The following USH2A variants were observed in gnomAD, a reference collection of about 807,000 sequenced individuals.
USH2A encodes usherin, also known as Usher syndrome 2A (autosomal recessive, mild).
In USH2A, 443 loss-of-function variants were observed where a neutral mutation model predicts 538.9. That is an observed-to-expected ratio of 0.82 (90% CI 0.76 to 0.89). The LOEUF (loss-of-function observed/expected upper bound fraction) is 0.89, where lower values mean the gene tolerates loss of function less well. USH2A is among the 40% of genes least tolerant of loss of function. The pLI is 0.00. For missense variants in USH2A, 6,633 were observed against 6,324.8 expected (o/e 1.05, Z -1.65); for synonymous variants, 2,413 against 2,273.5 (o/e 1.06, Z -1.75).
At chr1:215,973,656 CTTTT>C (rs750306238) in intron 35 of USH2A, among the ~76,000 whole-genome samples, 18 of 130,956 alleles carry the variant, frequency 1.4e-4, no homozygotes, top group Admixed American at 7.1e-4. Context: ...TCTTCTTCTT[CTTTT>C]TTTTTTTTTT....
intron 67 of USH2A, 78 bp from the exon 68 acceptor site, chr1:215,640,812 A>G: frequency 1.4e-6 from 2 of 1,414,418 alleles, no homozygotes; most frequent in South Asian, 1.2e-5. Flanking sequence ...AAAAAAAAAA[A>G]TATGAGCAAA....
At position 215,817,338 on chromosome 1, in the gene USH2A, A is replaced by G. The variant is rs1271862338; in HGVS notation, c.9372-143T>C. 9.7e-6 allele frequency: 4 copies of G among 413,792 alleles called. No individual in the cohort carries two copies. The East Asian group carries it at 2.4e-4, about 25-fold the overall frequency. 25.6% of individuals were successfully genotyped at this position (413,792 alleles called of 1,614,324 possible). On this transcript the variant is annotated intron_variant, in intron 47 of 71. Transcript: ENST00000307340. ...TTATATATGAAATCATATATTTTCAAATCAATCAAAATTATGTTAGCTTTT... is the reference window on the plus strand; with the variant it reads ...TTATATATGAAATCATATATTTTCAGATCAATCAAAATTATGTTAGCTTTT...
At chr1:216,268,308 C>T (rs1255942935) in intron 11 of USH2A, among the ~76,000 whole-genome samples, 2 of 152,030 alleles carry the variant, frequency 1.3e-5, no homozygotes, top group African/African-American at 2.4e-5. Context: ...TAACTATACT[C>T]TGAACAACTT....
chr1:215,959,177 A>G (rs1667138931), intron 37 of USH2A, among the ~76,000 whole-genome samples: 1 of 152,098 alleles, frequency 6.6e-6, no homozygotes, highest in African/African-American at 2.4e-5. Flanking sequence ...TAAGTTGAGT[A>G]CATATAAAAG....
At chr1:216,422,633 G>A in intron 1 of USH2A, 93 bp from the exon 2 acceptor site, 3 of 390,808 alleles carry the variant, frequency 7.7e-6, no homozygotes, top group Admixed American at 7.7e-5. Flanking sequence ...GCTCCTAGAA[G>A]CAACACTACT....
At chr1:215,703,532 G>C (rs1036168500) in intron 61 of USH2A, among the ~76,000 whole-genome samples, 1 of 152,208 alleles carries the variant, frequency 6.6e-6, no homozygotes, top group Non-Finnish European at 1.5e-5. Context: ...AATCTAGAGA[G>C]GCAGTCTGGC....
chr1:215,794,385 G>T (rs1204340772), intron 50 of USH2A, among the ~76,000 whole-genome samples: 3 of 152,208 alleles, frequency 2.0e-5, no homozygotes. Flanking sequence ...GGCACACAAT[G>T]CCAGGCAGCG....
chr1:216,080,543 G>A (rs2102556726), intron 26 of USH2A, among the ~76,000 whole-genome samples: 1 of 152,052 alleles, frequency 6.6e-6, no homozygotes, highest in East Asian at 1.9e-4. Flanking sequence ...ATGAAAAAGT[G>A]GCAATAACAA....
rs1666117792 is a variant in USH2A, at chr1:215,922,239, T to C, written c.7300+12377A>G. Reference sequence around the variant, plus strand: ...AAGAAGTTGAAGAGCAAAGGAAATTTAGCTGACAGTGTCTTCACAGTAGGG... The same window carrying C: ...AAGAAGTTGAAGAGCAAAGGAAATTCAGCTGACAGTGTCTTCACAGTAGGG... On this transcript the variant is annotated intron_variant, in intron 38 of 71. Coordinates refer to ENST00000307340, the MANE Select transcript of USH2A (RefSeq NM_206933.4). Among the ~76,000 whole-genome samples the C allele has an allele frequency of 2.0e-5, 3 of 152,286 alleles. No homozygotes were observed. In the South Asian group the frequency reaches 6.2e-4, roughly 32 times the overall value.
intron 3 of USH2A, among the ~76,000 whole-genome samples, chr1:216,395,268 C>A (rs1283907655): frequency 6.6e-6 from 1 of 152,270 alleles, no homozygotes; most frequent in East Asian, 1.9e-4. Context: ...CAACTTGTAT[C>A]CTACTTTAAG....
chr1:216,409,393 T>C (rs2039445616), intron 3 of USH2A, among the ~76,000 whole-genome samples: 1 of 152,094 alleles, frequency 6.6e-6, no homozygotes, highest in Non-Finnish European at 1.5e-5. Flanking sequence ...TTTAAATTCA[T>C]ATAAAACCAA....
intron 37 of USH2A, among the ~76,000 whole-genome samples, chr1:215,958,955 C>T (rs970957828): frequency 6.6e-6 from 1 of 152,074 alleles, no homozygotes; most frequent in Non-Finnish European, 1.5e-5. Flanking sequence ...CACCAAAAGA[C>T]TTTTCCTGAA....
At chr1:216,054,553 C>T (rs531776967) in intron 30 of USH2A, among the ~76,000 whole-genome samples, 3 of 152,160 alleles carry the variant, frequency 2.0e-5, no homozygotes, top group Non-Finnish European at 4.4e-5. Flanking sequence ...GCCTGGAAAC[C>T]GAGCCTAAGA....
chr1:215,851,285 A>G (rs1300317555), intron 44 of USH2A, among the ~76,000 whole-genome samples: 1 of 152,188 alleles, frequency 6.6e-6, no homozygotes, highest in African/African-American at 2.4e-5. Context: ...GATAAATAAA[A>G]TTGACAGACC....
chr1:215,970,456 A>G (rs567797531), intron 36 of USH2A, among the ~76,000 whole-genome samples, 169 bp downstream of exon 36: 19 of 152,284 alleles, frequency 1.2e-4, no homozygotes, highest in Non-Finnish European at 1.5e-5. Flanking sequence ...TTTATGTCGA[A>G]TATAAAATCT....
chr1:215,731,243 T>TA (rs1659986461), intron 60 of USH2A, among the ~76,000 whole-genome samples: 1 of 152,160 alleles, frequency 6.6e-6, no homozygotes, highest in Non-Finnish European at 1.5e-5. Context: ...CCAAAAGAAT[T>TA]AAAAGGTGCA....
At chr1:216,236,893 T>G (rs551510099) in intron 13 of USH2A, among the ~76,000 whole-genome samples, 22 of 152,328 alleles carry the variant, frequency 1.4e-4, no homozygotes, top group Non-Finnish European at 2.9e-4. Context: ...ATTTTTCTAT[T>G]TATGTGAATA....
intron 11 of USH2A, among the ~76,000 whole-genome samples, chr1:216,275,853 G>A (rs1243946519): frequency 3.3e-5 from 5 of 151,984 alleles, no homozygotes; most frequent in African/African-American, 9.7e-5. Context: ...TAATATTTAG[G>A]ATGAAATTAA....
chr1:215,904,160 G>A (rs558175906), intron 38 of USH2A, among the ~76,000 whole-genome samples: 2 of 151,974 alleles, frequency 1.3e-5, no homozygotes, highest in African/African-American at 2.4e-5. Context: ...GGAGTATAAT[G>A]TAATTGAAAA....
Sources: allele counts gnomAD v4.1 joint callset (sites outside exome capture counted in the v4.1 genomes callset), GRCh38; gene constraint gnomAD v4.1.1; transcripts MANE v1.5; gene names NCBI Gene and HGNC (gene_info 2026-07-23, HGNC 2026-07-21).